Variants in NVL observed in about 807,000 individuals in gnomAD.
NVL encodes nuclear VCP like, also known as nuclear valosin-containing protein-like.
NVL carries 84 observed loss-of-function variants against 110.2 expected under a neutral mutation model. The ratio of observed to expected loss-of-function variants is 0.76; its 90% CI spans 0.64 to 0.91. The LOEUF is 0.91. NVL is among the 40% of genes least tolerant of loss of function. The pLI, the probability that NVL is intolerant of heterozygous loss-of-function variation, is 0.00. For synonymous variants in NVL, 354 were observed against 361.1 expected (o/e 0.98, Z 0.22); for missense variants, 882 against 1,035.9 (o/e 0.85, Z 2.04).
rs562758967 is a variant in NVL, at chr1:224,233,252, T to G, written c.2404A>C (p.Ile802Leu). ...GCCATTTCCTGTCTCAGGGCACAGA[T>G]AGAAGCTTCTCGTACCAAAGCAGAG... ...DLSALVREAS[I>L]CALRQEMARQ... Residue 802 changes from isoleucine to leucine, a missense_variant, in exon 21 of 23, where the codon ATC becomes CTC. Ile to Leu is a conservative substitution (Grantham distance 5). Coordinates refer to ENST00000281701, the MANE Select transcript of NVL (RefSeq NM_002533.4). 2 of 1,613,046 alleles carry G rather than the reference T, an allele frequency of 1.2e-6. No homozygotes were observed. The highest frequency in any genetic ancestry group is 1.3e-5 in the African/African-American group (1 of 74,906).
In NVL at chr1:224,271,584, A is replaced by T. The variant is rs538351839; in HGVS notation, c.2083-3451T>A. 2.0e-5 allele frequency among the ~76,000 whole-genome samples: 3 copies of T among 152,292 alleles called. No individual in the cohort carries two copies. The East Asian group carries it at 5.8e-4, about 29-fold the overall frequency. ...TCTAGAATGATGCATACTAAATGAC[A>T]ACTATTAGCAGTCTCGTAATAACCT... On this transcript the variant is annotated intron_variant, in intron 17 of 22. Coordinates refer to ENST00000281701, the MANE Select transcript of NVL (RefSeq NM_002533.4).
chr1:224,236,740 A>C lies in NVL; in HGVS notation c.2290-158T>G, dbSNP rs1976788. On this transcript the variant is annotated intron_variant, in intron 19 of 22. Coordinates refer to ENST00000281701, the MANE Select transcript of NVL (RefSeq NM_002533.4). Reference sequence around the variant, plus strand: ...AACCTGTGGAACATGGTAAAACCCCATCTCTACTACAAATACAAAAATTAG... The same window carrying C: ...AACCTGTGGAACATGGTAAAACCCCCTCTCTACTACAAATACAAAAATTAG... The C allele has an allele frequency of 1.3e-4, 70 of 551,294 alleles. 1 individual carries two copies. The Middle Eastern group carries it at 1.5e-3, about 12-fold the overall frequency. 34.2% of individuals were successfully genotyped at this position (551,294 alleles called of 1,614,324 possible).
intron 22 of NVL, among the ~76,000 whole-genome samples, chr1:224,228,230 T>C (rs191458696): frequency 2.3e-4 from 35 of 152,280 alleles, no homozygotes; most frequent in Middle Eastern, 3.4e-3. Context: ...AAGAGTCTTA[T>C]GTCTATCTAA....
intron 14 of NVL, among the ~76,000 whole-genome samples, chr1:224,287,565 C>T (rs561624009): frequency 2.0e-5 from 3 of 152,084 alleles, no homozygotes; most frequent in African/African-American, 7.2e-5. Context: ...AACTATGATA[C>T]ATCAATTTAA....
chr1:224,285,093 G>A (rs1393279781), intron 15 of NVL, among the ~76,000 whole-genome samples: 1 of 152,092 alleles, frequency 6.6e-6, no homozygotes, highest in Admixed American at 6.5e-5. Flanking sequence ...ATATACTGAC[G>A]TGAAGATGTT....
At chr1:224,252,393 A>G (rs1333171275) in intron 18 of NVL, among the ~76,000 whole-genome samples, 3 of 152,086 alleles carry the variant, frequency 2.0e-5, no homozygotes, top group African/African-American at 7.2e-5. Flanking sequence ...ATCATTTCCA[A>G]CAGTCCCTTA....
At chr1:224,281,551 C>T (rs151233306) in intron 15 of NVL, among the ~76,000 whole-genome samples, 2 of 151,644 alleles carry the variant, frequency 1.3e-5, no homozygotes, top group Non-Finnish European at 2.9e-5. Context: ...CAGCCTGCCT[C>T]GGCCTGCCAA....
At chr1:224,311,602 T>G (rs1018947508) in intron 5 of NVL, among the ~76,000 whole-genome samples, 198 bp downstream of exon 5, 1 of 152,050 alleles carries the variant, frequency 6.6e-6, no homozygotes, top group African/African-American at 2.4e-5. Flanking sequence ...ATACTTTTTA[T>G]AGAGACAAGG....
At position 224,291,817 on chromosome 1, in the gene NVL, A is replaced by T. The variant is rs73130440; in HGVS notation, c.1326-2084T>A. 6.1e-3 allele frequency among the ~76,000 whole-genome samples: 926 copies of T among 152,360 alleles called. 9 individuals are homozygous for T. Among genetic ancestry groups the T allele is most frequent in the African/African-American group, 0.021 (875 of 41,576 alleles). On this transcript the variant is annotated intron_variant, in intron 12 of 22. Transcript: ENST00000281701. The stretch of plus-strand genomic sequence containing the variant: ...ACTAAGAACATTTTGGATGTTGTGA[A>T]AATGGCTAACAGAAAATAATATCGC...
intron 19 of NVL, among the ~76,000 whole-genome samples, chr1:224,240,464 G>A (rs556458674): frequency 1.2e-3 from 184 of 152,238 alleles, no homozygotes; most frequent in African/African-American, 4.3e-3. Context: ...GCCCGCCTCC[G>A]CCTCCCAAAG....
chr1:224,264,006 T>C (rs1259182125), intron 18 of NVL, among the ~76,000 whole-genome samples: 1 of 152,050 alleles, frequency 6.6e-6, no homozygotes, highest in Non-Finnish European at 1.5e-5. Context: ...CAGAGCAAGA[T>C]TCCGTCTCAA....
At chr1:224,270,107 C>T (rs1006974767) in intron 17 of NVL, among the ~76,000 whole-genome samples, 1 of 151,700 alleles carries the variant, frequency 6.6e-6, no homozygotes, top group African/African-American at 2.4e-5. Context: ...AAAATTGGTG[C>T]TCCTTATTAT....
At chr1:224,237,283 A>G (rs1660591391) in intron 19 of NVL, among the ~76,000 whole-genome samples, 1 of 152,222 alleles carries the variant, frequency 6.6e-6, no homozygotes, top group Non-Finnish European at 1.5e-5. Context: ...GAACCTGGCC[A>G]GGAGAGAAGG....
intron 19 of NVL, among the ~76,000 whole-genome samples, chr1:224,247,164 G>A (rs758003881): frequency 2.6e-5 from 4 of 151,984 alleles, no homozygotes; most frequent in Non-Finnish European, 5.9e-5. Flanking sequence ...AACCAAAGCA[G>A]GGTTTCTTAA....
intron 5 of NVL, among the ~76,000 whole-genome samples, chr1:224,310,237 C>T (rs1210591318): frequency 3.4e-5 from 5 of 148,604 alleles, no homozygotes; most frequent in Non-Finnish European, 7.4e-5. Flanking sequence ...ATCTCATTTA[C>T]ATTGTATTAT....
rs1271416480 is a variant in NVL at position 224,317,885 on chromosome 1, T to C, written c.177A>G (p.Val59=). 2 of 1,596,732 alleles carry C rather than the reference T, an allele frequency of 1.3e-6. No individual in the cohort carries two copies. The highest frequency in any genetic ancestry group is 1.7e-5 in the Admixed American group (1 of 59,328). The change falls in exon 3 of 23, where the codon GTA becomes GTG. Residue 59 remains valine, a synonymous_variant. Coordinates refer to ENST00000281701, the MANE Select transcript of NVL (RefSeq NM_002533.4). ...TCTAACAATAAGACTCACCTTTTTC[T>C]ACCTGAATCCTAAAAGCATTTCTTT... The part of the protein sequence containing the change: ...RRKRNAFRIQ[V]EKVFSIISSE...
In NVL at chr1:224,233,232, T is replaced by C. The variant is rs1660100733; in HGVS notation, c.2424A>G (p.Glu808=). 6.2e-7 allele frequency: 1 copy of C among 1,613,382 alleles called. No individual in the cohort carries two copies. Among genetic ancestry groups the C allele is most frequent in the Non-Finnish European group, 8.5e-7 (1 of 1,179,814 alleles). ...REASICALRQ[E]MARQKSGNEK... is the part of the protein sequence containing the mutation. ...CATTTCCACTCTTCTGTCTTGCCAT[T>C]TCCTGTCTCAGGGCACAGATAGAAG... The change falls in exon 21 of 23, where the codon GAA becomes GAG. Residue 808 remains glutamate, a synonymous_variant. Coordinates refer to ENST00000281701, the MANE Select transcript of NVL (RefSeq NM_002533.4).
chr1:224,308,193 G>T lies in NVL; in HGVS notation c.413C>A (p.Thr138Asn). 1 of 1,613,960 alleles carries T rather than the reference G, an allele frequency of 6.2e-7. No homozygotes were observed. The highest frequency in any genetic ancestry group is 8.5e-7 in the Non-Finnish European group (1 of 1,179,946). The change falls in exon 6 of 23, where the codon ACT becomes AAT. Residue 138 changes from threonine (T) to asparagine (N), a missense_variant. Physicochemically the swap from Thr to Asn is moderately conservative, Grantham distance 65 (BLOSUM62 0). Transcript: ENST00000281701. ...RKGNPDSVSNTPEMEQRETTS... is the reference protein window; with the variant it reads ...RKGNPDSVSNNPEMEQRETTS... ...GGTTTCTCTTTGCTCCATCTCAGGA[G>T]TATTTGAAACAGAATCAGGATTTCC...
chr1:224,261,075 C>T (rs1416740447), intron 18 of NVL, among the ~76,000 whole-genome samples: 3 of 152,034 alleles, frequency 2.0e-5, no homozygotes, highest in African/African-American at 4.8e-5. Context: ...GGGGTTTCAC[C>T]ATGTTGGCCA....
Sources: allele counts gnomAD v4.1 joint callset (sites outside exome capture counted in the v4.1 genomes callset), GRCh38; gene constraint gnomAD v4.1.1; transcripts MANE v1.5; gene names NCBI Gene and HGNC (gene_info 2026-07-23, HGNC 2026-07-21).